The following CDKAL1 variants were observed in gnomAD, a reference collection of about 807,000 sequenced individuals.
CDKAL1 encodes the protein CDKAL1 threonylcarbamoyladenosine tRNA methylthiotransferase.
CDKAL1 carries 32 observed loss-of-function variants against 68.2 expected under a neutral mutation model. The ratio of observed to expected loss-of-function variants is 0.47; its 90% CI spans 0.35 to 0.63. CDKAL1 has a LOEUF of 0.63. Ranked by LOEUF, CDKAL1 falls within the 30% of genes least tolerant of loss-of-function variation. CDKAL1 has a pLI of 0.00. For missense variants in CDKAL1, 606 were observed against 696.7 expected, an observed-to-expected ratio of 0.87 and a Z score of 1.47; for synonymous variants, 234 against 244.3, an observed-to-expected ratio of 0.96 and a Z score of 0.39.
intron 9 of CDKAL1, among the ~76,000 whole-genome samples, chr6:20,923,966 C>T (rs1239577245): frequency 1.3e-5 from 2 of 151,336 alleles, no homozygotes; most frequent in Non-Finnish European, 2.9e-5. Flanking sequence ...GAGCTGAGAT[C>T]ACACTACTGC....
intron 10 of CDKAL1, among the ~76,000 whole-genome samples, chr6:20,985,297 T>G (rs896041777): frequency 7.2e-5 from 11 of 152,174 alleles, no homozygotes; most frequent in Non-Finnish European, 1.6e-4. Context: ...TGTTTGTTTG[T>G]TTTTGGTTTT....
intron 11 of CDKAL1, among the ~76,000 whole-genome samples, chr6:21,057,435 GTCTA>G (rs1298287069): frequency 3.4e-5 from 5 of 146,496 alleles, no homozygotes; most frequent in Admixed American, 6.9e-5. Context: ...CCAGCTAGTA[GTCTA>G]TCTATTTTAT....
At chr6:20,586,197 T>C (rs1206609860) in intron 4 of CDKAL1, among the ~76,000 whole-genome samples, 2 of 152,346 alleles carry the variant, frequency 1.3e-5, no homozygotes, top group Middle Eastern at 3.4e-3. Context: ...GCCTGGATTA[T>C]AATAGTTACC....
chr6:20,771,725 C>T (rs777786844), intron 7 of CDKAL1, among the ~76,000 whole-genome samples: 15 of 152,080 alleles, frequency 9.9e-5, no homozygotes, highest in Non-Finnish European at 2.1e-4. Flanking sequence ...ATAGGGAATT[C>T]TCATGTGAGT....
chr6:21,201,954 G>A (rs80301325), intron 15 of CDKAL1, among the ~76,000 whole-genome samples: 17,785 of 149,432 alleles, frequency 0.12, 1,287 homozygotes, highest in Non-Finnish European at 0.16. Context: ...ATTGTTAAGC[G>A]CTTAAAAAAA....
intron 15 of CDKAL1, among the ~76,000 whole-genome samples, chr6:21,205,668 C>G (rs535440903): frequency 1.3e-5 from 2 of 150,124 alleles, no homozygotes; most frequent in South Asian, 2.1e-4. Flanking sequence ...GTAGCTGGGA[C>G]CACAGGAACC....
intron 7 of CDKAL1, among the ~76,000 whole-genome samples, chr6:20,771,199 A>G (rs945087590): frequency 6.6e-6 from 1 of 152,218 alleles, no homozygotes; most frequent in Non-Finnish European, 1.5e-5. Context: ...TAATACAGTG[A>G]CTTACAATAT....
At chr6:20,568,548 A>G (rs1046008355) in intron 4 of CDKAL1, among the ~76,000 whole-genome samples, 1 of 151,734 alleles carries the variant, frequency 6.6e-6, no homozygotes, top group African/African-American at 2.4e-5. Flanking sequence ...CCTGGCTAAC[A>G]CGGTAAAACC....
chr6:20,722,991 A>G (rs1387166484), intron 5 of CDKAL1, among the ~76,000 whole-genome samples: 1 of 152,028 alleles, frequency 6.6e-6, no homozygotes, highest in Admixed American at 6.5e-5. Flanking sequence ...CATCTTCACC[A>G]TCCTTCAGCT....
chr6:21,038,228 T>A (rs1769700981), intron 11 of CDKAL1, among the ~76,000 whole-genome samples: 2 of 152,226 alleles, frequency 1.3e-5, no homozygotes, highest in Non-Finnish European at 2.9e-5. Flanking sequence ...GAGGAGAGTT[T>A]AGCTCTGTCA....
At chr6:21,172,366 T>G (rs1233400126) in intron 13 of CDKAL1, among the ~76,000 whole-genome samples, 1 of 152,226 alleles carries the variant, frequency 6.6e-6, no homozygotes, top group African/African-American at 2.4e-5. Flanking sequence ...TCATGCTGCC[T>G]TCCTAAAATC....
At chr6:21,032,654 G>A (rs1032024738) in intron 11 of CDKAL1, among the ~76,000 whole-genome samples, 10 of 152,136 alleles carry the variant, frequency 6.6e-5, no homozygotes, top group Admixed American at 3.9e-4. Flanking sequence ...TTAGATGTGT[G>A]TAGATACACA....
intron 5 of CDKAL1, among the ~76,000 whole-genome samples, chr6:20,676,584 A>T (rs1770112580): frequency 6.6e-6 from 1 of 151,974 alleles, no homozygotes. Flanking sequence ...GGAGAATGGT[A>T]TGAACCCGGG....
At position 20,889,607 on chromosome 6, in the gene CDKAL1, T is replaced by A. The variant is rs191377393; in HGVS notation, c.742+43429T>A. On this transcript the variant is annotated intron_variant, in intron 9 of 15. Transcript: ENST00000274695. ...CTACATATGGCCAGCACCATTTATT[T>A]AATAGGGAATCCTTTCCCCATTTCT... 3.3e-3 allele frequency among the ~76,000 whole-genome samples: 499 copies of A among 152,298 alleles called. 5 individuals carry two copies. Among genetic ancestry groups the A allele is most frequent in the African/African-American group, 0.011 (475 of 41,568 alleles).
intron 8 of CDKAL1, among the ~76,000 whole-genome samples, chr6:20,824,935 T>A (rs201914839): frequency 0.31 from 46,914 of 152,026 alleles, 7,541 homozygotes; most frequent in East Asian, 0.53. Context: ...GATAATTAGC[T>A]AATATATCTT....
intron 9 of CDKAL1, among the ~76,000 whole-genome samples, chr6:20,930,481 G>A (rs1377437702): frequency 6.6e-6 from 1 of 152,044 alleles, no homozygotes; most frequent in Non-Finnish European, 1.5e-5. Flanking sequence ...GTCTCCAAAT[G>A]GAAATTCCAG....
At chr6:20,903,332 C>CT (rs1762093639) in intron 9 of CDKAL1, among the ~76,000 whole-genome samples, 1 of 152,162 alleles carries the variant, frequency 6.6e-6, no homozygotes, top group Non-Finnish European at 1.5e-5. Flanking sequence ...GAGATGTGTT[C>CT]TTGAATAAAG....
intron 8 of CDKAL1, among the ~76,000 whole-genome samples, chr6:20,783,077 A>G (rs1475254252): frequency 6.6e-6 from 1 of 151,988 alleles, no homozygotes; most frequent in Non-Finnish European, 1.5e-5. Flanking sequence ...TTACAGGTGC[A>G]CGCCACCATG....
chr6:20,981,466 G>T (rs1009241807), intron 10 of CDKAL1, among the ~76,000 whole-genome samples: 15 of 152,160 alleles, frequency 9.9e-5, no homozygotes, highest in African/African-American at 3.1e-4. Context: ...TTTCTCTGAT[G>T]AATCGTGCCC....
Sources: allele counts gnomAD v4.1 joint callset (sites outside exome capture counted in the v4.1 genomes callset), GRCh38; gene constraint gnomAD v4.1.1; transcripts MANE v1.5; gene names NCBI Gene and HGNC (gene_info 2026-07-23, HGNC 2026-07-21).